Variants in TAMM41 observed in about 807,000 individuals in gnomAD.
TAMM41 encodes phosphatidate cytidylyltransferase, mitochondrial.
TAMM41 carries 36 observed loss-of-function variants against 44.1 expected under a neutral mutation model. The ratio of observed to expected loss-of-function variants is 0.82; its 90% CI spans 0.63 to 1.08. The LOEUF is 1.08. Ranked by LOEUF, TAMM41 falls within the 50% of genes least tolerant of loss-of-function variation. The pLI, the probability that TAMM41 is intolerant of heterozygous loss-of-function variation, is 0.00. For synonymous variants in TAMM41, 164 were observed against 153.1 expected, an observed-to-expected ratio of 1.07 and a Z score of -0.53; for missense variants, 417 against 404.3, an observed-to-expected ratio of 1.03 and a Z score of -0.27.
chr3:11,846,774 G>A lies in TAMM41; in HGVS notation c.-138C>T, dbSNP rs2079721901. 9.0e-7 allele frequency: 1 copy of A among 1,107,774 alleles called. No individual in the cohort carries two copies. The highest frequency in any genetic ancestry group is 1.5e-5 in the African/African-American group (1 of 64,984). The allele number at this position is 1,107,774 out of a possible 1,614,324, so 68.6% of individuals were successfully genotyped here. A position where few individuals can be genotyped will look rare whatever the true frequency, so the allele number is the denominator to read the frequency against. On this transcript the variant is annotated 5_prime_UTR_variant, in exon 1 of 8. Transcript: ENST00000455809. ...AGGGACACAAGGCTGAGTGTGGGGT[G>A]GGACTGCAAGCACACGCAAGGATTG...
intron 7 of TAMM41, among the ~76,000 whole-genome samples, chr3:11,805,060 G>C (rs941491290): frequency 1.4e-5 from 2 of 139,860 alleles, no homozygotes; most frequent in Non-Finnish European, 3.0e-5. Context: ...GCCAGAGGCA[G>C]TGGCACAATC....
chr3:11,820,750 A>C (rs985903452), intron 4 of TAMM41, among the ~76,000 whole-genome samples: 1 of 152,218 alleles, frequency 6.6e-6, no homozygotes, highest in Non-Finnish European at 1.5e-5. Context: ...TTTCAACAAA[A>C]CTACAGCAAT....
chr3:11,816,024 T>C (rs1428034576), intron 5 of TAMM41, among the ~76,000 whole-genome samples: 1 of 152,012 alleles, frequency 6.6e-6, no homozygotes, highest in Non-Finnish European at 1.5e-5. Context: ...TTAAACTGAG[T>C]GGTGGGTATT....
At chr3:11,836,683 C>T (rs2079190140) in intron 3 of TAMM41, among the ~76,000 whole-genome samples, 1 of 152,104 alleles carries the variant, frequency 6.6e-6, no homozygotes, top group Non-Finnish European at 1.5e-5. Context: ...AGGCTGGTCT[C>T]GAACTCCTGA....
the TAMM41 span, among the ~76,000 whole-genome samples, chr3:11,778,823 C>A: frequency 6.6e-6 from 1 of 152,058 alleles, no homozygotes; most frequent in Non-Finnish European, 1.5e-5. Flanking sequence ...AGATCCTTTG[C>A]CTATTTTTAA....
chr3:11,832,913 G>T, intron 3 of TAMM41: 1 of 890,430 alleles, frequency 1.1e-6, no homozygotes, highest in Non-Finnish European at 1.3e-6. Context: ...AATACCACTT[G>T]TTCTCCAAGG....
At chr3:11,839,392 C>T in intron 2 of TAMM41, 78 bp from the exon 3 acceptor site, 1 of 963,526 alleles carries the variant, frequency 1.0e-6, no homozygotes, top group African/African-American at 1.7e-5. Context: ...TATAAGGAAA[C>T]AGATAAAATT....
chr3:11,768,293 T>C, the TAMM41 span, among the ~76,000 whole-genome samples: 2 of 152,142 alleles, frequency 1.3e-5, no homozygotes, highest in South Asian at 4.2e-4. Context: ...TGTGCCAGCA[T>C]ACTAGGCTAA....
intron 4 of TAMM41, among the ~76,000 whole-genome samples, chr3:11,822,413 T>A (rs895303514): frequency 2.0e-5 from 3 of 152,192 alleles, no homozygotes; most frequent in African/African-American, 7.2e-5. Flanking sequence ...ACTAGAATAT[T>A]CCAGCCTCCC....
chr3:11,768,842 C>G, the TAMM41 span, among the ~76,000 whole-genome samples: 2 of 152,304 alleles, frequency 1.3e-5, no homozygotes, highest in South Asian at 2.1e-4. Flanking sequence ...ACCCACAGAG[C>G]TTAGGAGCAC....
At chr3:11,807,276 T>C (rs948513156) in intron 7 of TAMM41, 6 of 1,437,480 alleles carry the variant, frequency 4.2e-6, no homozygotes, top group Non-Finnish European at 4.5e-6. Context: ...CAGACAACTA[T>C]ATTAGGAGGA....
chr3:11,813,073 C>T (rs2078141285), intron 5 of TAMM41, among the ~76,000 whole-genome samples: 1 of 152,100 alleles, frequency 6.6e-6, no homozygotes, highest in Non-Finnish European at 1.5e-5. Context: ...ATTCTGGATA[C>T]CTTTATTTTT....
the TAMM41 span, among the ~76,000 whole-genome samples, chr3:11,760,540 A>AT: frequency 2.2e-5 from 3 of 137,786 alleles, no homozygotes; most frequent in African/African-American, 9.0e-5. Flanking sequence ...TGTAAGTACA[A>AT]TTTTTTGTTT....
At chr3:11,835,934 T>C (rs2125048749) in intron 3 of TAMM41, among the ~76,000 whole-genome samples, 1 of 152,140 alleles carries the variant, frequency 6.6e-6, no homozygotes, top group Non-Finnish European at 1.5e-5. Context: ...ATCTGTTAGA[T>C]TCTGAAACAC....
chr3:11,758,875 T>C, the TAMM41 span, among the ~76,000 whole-genome samples: 1 of 151,652 alleles, frequency 6.6e-6, no homozygotes, highest in Admixed American at 6.6e-5. Context: ...AGTTTCGCCA[T>C]GCTGGCCAGG....
chr3:11,811,786 G>C (rs562906568), intron 5 of TAMM41, among the ~76,000 whole-genome samples: 128 of 152,292 alleles, frequency 8.4e-4, no homozygotes, highest in African/African-American at 2.9e-3. Context: ...CCTGGGTGAG[G>C]GGAGAGCTGG....
At chr3:11,817,431 A>C (rs1426754393) in intron 4 of TAMM41, 94 bp from the exon 5 acceptor site, 3 of 1,303,726 alleles carry the variant, frequency 2.3e-6, no homozygotes, top group Non-Finnish European at 2.1e-6. Flanking sequence ...GCACGGGTTC[A>C]CTCTGGCAGG....
chr3:11,770,193 CTCTG>C, the TAMM41 span, among the ~76,000 whole-genome samples: 1 of 152,206 alleles, frequency 6.6e-6, no homozygotes, highest in Admixed American at 6.5e-5. Flanking sequence ...GCTGCACAGA[CTCTG>C]TCTCCGTCTC....
At chr3:11,767,922 C>T in the TAMM41 span, among the ~76,000 whole-genome samples, 7 of 151,224 alleles carry the variant, frequency 4.6e-5, no homozygotes, top group African/African-American at 1.7e-4. Context: ...CGCGCCTGGC[C>T]ATCTGTCCTT....
Sources: gnomAD v4.1 joint callset for allele counts (sites outside exome capture counted in the v4.1 genomes callset) on GRCh38, gnomAD v4.1.1 for gene constraint, MANE v1.5 for transcripts, NCBI Gene and HGNC (gene_info 2026-07-23, HGNC 2026-07-21) for gene names.